The following GPHN variants were observed in gnomAD, a reference collection of about 807,000 sequenced individuals.
GPHN encodes gephyrin.
Under a neutral mutation model 95.5 loss-of-function variants are expected in GPHN, and 17 were observed. The observed-to-expected ratio is 0.18, with a 90% CI of 0.12 to 0.27. GPHN has a LOEUF of 0.27. GPHN is among the 10% of genes least tolerant of loss of function. The pLI, the probability that GPHN is intolerant of heterozygous loss-of-function variation, is 1.00. For synonymous variants in GPHN, 320 were observed against 322.5 expected (o/e 0.99, Z 0.08); for missense variants, 660 against 978.1 (o/e 0.67, Z 4.34).
the GPHN span, chr14:67,646,553 AAGC>A: frequency 3.7e-5 from 37 of 1,010,576 alleles, no homozygotes; most frequent in East Asian, 5.7e-4. Context: ...TGGCAGAAGA[AAGC>A]AGATTGCATA....
the GPHN span, chr14:67,199,318 G>A: frequency 1.9e-6 from 3 of 1,611,736 alleles, no homozygotes; most frequent in Admixed American, 1.7e-5. Flanking sequence ...CAATACGGGT[G>A]AACAAGGCAT....
intron 11 of GPHN, among the ~76,000 whole-genome samples, chr14:67,071,702 G>T (rs112216060): frequency 6.6e-6 from 1 of 151,422 alleles, no homozygotes; most frequent in African/African-American, 2.4e-5. Flanking sequence ...GCCCTATGTC[G>T]CAATCAGGTA....
chr14:67,301,508 ATTC>A, the GPHN span: 184 of 1,428,316 alleles, frequency 1.3e-4, 5 homozygotes, highest in South Asian at 2.2e-3. Context: ...TTTTTCCAGC[ATTC>A]TTCTATTTTT....
intron 17 of GPHN, among the ~76,000 whole-genome samples, chr14:67,125,109 A>G (rs2079219747): frequency 6.6e-6 from 1 of 152,140 alleles, no homozygotes; most frequent in African/African-American, 2.4e-5. Context: ...ACCTTATATC[A>G]AACTGAGAAC....
chr14:67,647,261 C>T, the GPHN span: 5 of 430,496 alleles, frequency 1.2e-5, no homozygotes, highest in Non-Finnish European at 1.7e-5. Flanking sequence ...TTTTCTTTAT[C>T]TCCATCTTTA....
At chr14:67,088,824 A>T (rs1256188259) in intron 11 of GPHN, among the ~76,000 whole-genome samples, 159 bp from the exon 12 acceptor site, 1 of 152,208 alleles carries the variant, frequency 6.6e-6, no homozygotes, top group Non-Finnish European at 1.5e-5. Context: ...ACCAGAATGC[A>T]TCTCTTCTAT....
the GPHN span, among the ~76,000 whole-genome samples, chr14:67,643,852 T>TAAAAAAAAA: frequency 1.2e-5 from 1 of 81,216 alleles, no homozygotes; most frequent in Admixed American, 1.2e-4. Flanking sequence ...TCCTTGGGAG[T>TAAAAAAAAA]AAAAAAAAAA....
the GPHN span, chr14:67,724,975 C>T: frequency 8.8e-7 from 1 of 1,130,288 alleles, no homozygotes; most frequent in East Asian, 2.3e-5. Context: ...GCAATATGTT[C>T]ACTCTACCGT....
intron 11 of GPHN, among the ~76,000 whole-genome samples, chr14:67,070,109 A>G (rs1032197804): frequency 6.6e-6 from 1 of 152,014 alleles, no homozygotes; most frequent in Non-Finnish European, 1.5e-5. Flanking sequence ...TCAGGTATTC[A>G]TATCTCTTTA....
the GPHN span, among the ~76,000 whole-genome samples, chr14:67,322,220 C>T: frequency 2.0e-5 from 3 of 152,078 alleles, no homozygotes; most frequent in Non-Finnish European, 2.9e-5. Flanking sequence ...TGGTGGCATG[C>T]ACCTGTGGTC....
At chr14:66,946,222 G>A (rs999538802) in intron 8 of GPHN, among the ~76,000 whole-genome samples, 4 of 151,928 alleles carry the variant, frequency 2.6e-5, no homozygotes, top group African/African-American at 9.7e-5. Context: ...TTGTTCTTTG[G>A]GGTTTTTTCC....
chr14:66,925,527 A>G lies in GPHN; in HGVS notation c.828+1235A>G, dbSNP rs934221859. Among the ~76,000 whole-genome samples the G allele has an allele frequency of 8.5e-5, 13 of 152,232 alleles. No individual in the cohort carries two copies. In the East Asian group the frequency reaches 1.5e-3, roughly 18 times the overall value. On this transcript the variant is annotated intron_variant, in intron 8 of 22. Coordinates refer to ENST00000478722, the MANE Select transcript of GPHN (RefSeq NM_020806.5). Reference sequence around the variant, plus strand: ...CTCCCACAAATAAGTGAGAACATGCAAAGTTTGTCTTTTTGTGCCTGGCTT... The same window carrying G: ...CTCCCACAAATAAGTGAGAACATGCGAAGTTTGTCTTTTTGTGCCTGGCTT...
At chr14:66,963,926 T>A (rs1433568443) in intron 8 of GPHN, among the ~76,000 whole-genome samples, 1 of 152,190 alleles carries the variant, frequency 6.6e-6, no homozygotes, top group African/African-American at 2.4e-5. Flanking sequence ...TGGCTGTTTC[T>A]TCTTTTCACA....
the GPHN span, among the ~76,000 whole-genome samples, chr14:67,315,931 T>A: frequency 3.0e-4 from 45 of 152,248 alleles, no homozygotes; most frequent in African/African-American, 1.1e-3. Context: ...TCTCAAAAGA[T>A]AACCAGGCTT....
At chr14:67,490,886 G>A in the GPHN span, among the ~76,000 whole-genome samples, 1 of 152,150 alleles carries the variant, frequency 6.6e-6, no homozygotes, top group Non-Finnish European at 1.5e-5. Flanking sequence ...CCAGATATGG[G>A]GTGGGCGTGG....
the GPHN span, among the ~76,000 whole-genome samples, chr14:67,504,940 C>G: frequency 2.0e-5 from 3 of 152,028 alleles, no homozygotes; most frequent in African/African-American, 7.2e-5. Context: ...CTTTAGATTC[C>G]TTTATTGTGC....
At chr14:66,994,076 G>T (rs2071609657) in intron 9 of GPHN, among the ~76,000 whole-genome samples, 4 of 151,974 alleles carry the variant, frequency 2.6e-5, no homozygotes, top group Non-Finnish European at 5.9e-5. Context: ...ATAAAAATAA[G>T]AAAAAATGGC....
chr14:67,284,859 T>C, the GPHN span, among the ~76,000 whole-genome samples: 2 of 152,284 alleles, frequency 1.3e-5, no homozygotes, highest in East Asian at 3.9e-4. Flanking sequence ...AATATTCCAC[T>C]GTACAAATAT....
chr14:67,603,116 G>C, the GPHN span, among the ~76,000 whole-genome samples: 2 of 151,764 alleles, frequency 1.3e-5, no homozygotes, highest in African/African-American at 4.8e-5. Context: ...ACCGAAAGCG[G>C]AGTGCAGCAG....
Sources: allele counts gnomAD v4.1 joint callset (sites outside exome capture counted in the v4.1 genomes callset), GRCh38; gene constraint gnomAD v4.1.1; transcripts MANE v1.5; gene names NCBI Gene and HGNC (gene_info 2026-07-23, HGNC 2026-07-21).